Variants in SLC41A2 observed in about 807,000 individuals in gnomAD.
The protein encoded by SLC41A2 is SLC41A1-like 1.
A neutral mutation model predicts 58.3 loss-of-function variants in SLC41A2; 32 were observed. That is an observed-to-expected ratio of 0.55 (90% CI 0.41 to 0.74). The LOEUF (loss-of-function observed/expected upper bound fraction) is 0.74, where lower values mean the gene tolerates loss of function less well. SLC41A2 is among the 30% of genes least tolerant of loss of function. The pLI, the probability that SLC41A2 is intolerant of heterozygous loss-of-function variation, is 0.00. For synonymous variants in SLC41A2, 190 were observed against 235.0 expected (o/e 0.81, Z 1.75); for missense variants, 514 against 680.6 (o/e 0.76, Z 2.72).
chr12:104,809,383 A>T (rs1367469544), intron 10 of SLC41A2, among the ~76,000 whole-genome samples: 1 of 145,288 alleles, frequency 6.9e-6, no homozygotes, highest in African/African-American at 2.5e-5. Flanking sequence ...TAACACCTTT[A>T]CCAGGAAGGA....
rs545539253 is a variant in SLC41A2 at position 104,868,586 on chromosome 12, C to T, written c.1028-2007G>A. Reference sequence around the variant, plus strand: ...TTAACTTGACCCAGCAATTCTACTCCTTCATGTACACCCAACAGAATGGAA... The same window carrying T: ...TTAACTTGACCCAGCAATTCTACTCTTTCATGTACACCCAACAGAATGGAA... On this transcript the variant is annotated intron_variant, in intron 6 of 10. Transcript: ENST00000258538. Among the ~76,000 whole-genome samples, 3 of 152,250 alleles carry T rather than the reference C, an allele frequency of 2.0e-5. No individual in the cohort carries two copies. In the South Asian group the frequency reaches 6.2e-4, roughly 32 times the overall value.
In SLC41A2 at chr12:104,804,401, A is replaced by G. The variant is rs2040821150; in HGVS notation, c.*751T>C. 6.6e-6 allele frequency: 1 copy of G among 151,954 alleles called. No homozygotes were observed. Among genetic ancestry groups the G allele is most frequent in the South Asian group, 2.1e-4 (1 of 4,830 alleles). 9.4% of individuals were successfully genotyped at this position (151,954 alleles called of 1,614,324 possible). A position where few individuals can be genotyped will look rare whatever the true frequency, so the allele number is the denominator to read the frequency against. ...CGTCTTGTCTCTACAAATGCATCTC[A>G]GGTTATATTCTGTTTTTGAAGATTA... On this transcript the variant is annotated 3_prime_UTR_variant, in exon 11 of 11. Transcript: ENST00000258538.
chr12:104,886,328 AAT>A lies in SLC41A2; in HGVS notation c.990_991del (p.Leu331GlyfsTer12). ...GTATAAGCCCTGACTTATCCAAGCC[AAT>A]ATGGCAAGAGTTATAAGGTCGCCAA... On this transcript the variant is annotated frameshift_variant, in exon 6 of 11. Transcript: ENST00000258538. LOFTEE classifies it high-confidence loss of function. The A allele has an allele frequency of 6.2e-7, 1 of 1,613,694 alleles. No individual in the cohort carries two copies. Among genetic ancestry groups the A allele is most frequent in the Non-Finnish European group, 8.5e-7 (1 of 1,179,676 alleles).
chr12:104,921,299 C>G lies in SLC41A2; in HGVS notation c.555+6674G>C, dbSNP rs1412828673. The stretch of plus-strand genomic sequence containing the variant: ...ACAATAAGGTCAGAGAACACCAGAT[C>G]TGACCCAAATAAGACTACCCCAAGG... On this transcript the variant is annotated intron_variant, in intron 2 of 10. Coordinates refer to ENST00000258538, the MANE Select transcript of SLC41A2 (RefSeq NM_001352171.3). Among the ~76,000 whole-genome samples, 3 of 152,066 alleles carry G rather than the reference C, an allele frequency of 2.0e-5. No homozygotes were observed. The East Asian group carries it at 5.8e-4, about 29-fold the overall frequency.
At chr12:104,862,182 T>C (rs1022465678) in intron 7 of SLC41A2, among the ~76,000 whole-genome samples, 3 of 152,196 alleles carry the variant, frequency 2.0e-5, no homozygotes, top group African/African-American at 7.2e-5. Context: ...CAGAATGGGA[T>C]TGTCAAAATA....
At chr12:104,860,949 AAGAAACAACAAAACAATATAC>A (rs2043192067) in intron 8 of SLC41A2, among the ~76,000 whole-genome samples, 1 of 152,210 alleles carries the variant, frequency 6.6e-6, no homozygotes, top group Admixed American at 6.6e-5. Context: ...AAATTGACAA[AAGAAACAACAAAACAATATAC>A]AATAGCTGAT....
At chr12:104,848,466 A>T (rs1038156798) in intron 8 of SLC41A2, among the ~76,000 whole-genome samples, 1 of 152,114 alleles carries the variant, frequency 6.6e-6, no homozygotes, top group African/African-American at 2.4e-5. Context: ...AAGAACAGAA[A>T]TCAATGAAAT....
intron 8 of SLC41A2, among the ~76,000 whole-genome samples, chr12:104,857,066 T>C (rs955431370): frequency 6.6e-6 from 1 of 152,030 alleles, no homozygotes; most frequent in Admixed American, 6.6e-5. Context: ...AAGTAAAACG[T>C]ATTTCAAAAA....
At chr12:104,918,415 C>A (rs1255539217) in intron 2 of SLC41A2, among the ~76,000 whole-genome samples, 1 of 152,014 alleles carries the variant, frequency 6.6e-6, no homozygotes, top group African/African-American at 2.4e-5. Flanking sequence ...GGTAACTCGG[C>A]AGATTAATTA....
chr12:104,893,185 C>G (rs1376213566), intron 4 of SLC41A2, among the ~76,000 whole-genome samples: 1 of 152,002 alleles, frequency 6.6e-6, no homozygotes, highest in Non-Finnish European at 1.5e-5. Context: ...GATTTTAAAA[C>G]AGGCAAAAGA....
At chr12:104,876,530 A>G (rs990508476) in intron 6 of SLC41A2, among the ~76,000 whole-genome samples, 1 of 151,808 alleles carries the variant, frequency 6.6e-6, no homozygotes, top group Admixed American at 6.6e-5. Context: ...GTTGTTCAGG[A>G]GCATGATGTT....
At chr12:104,950,790 G>T (rs995503043) in intron 1 of SLC41A2, among the ~76,000 whole-genome samples, 6 of 152,046 alleles carry the variant, frequency 3.9e-5, no homozygotes, top group Admixed American at 2.0e-4. Flanking sequence ...CCACCCACTG[G>T]GTCCCCATAT....
intron 1 of SLC41A2, among the ~76,000 whole-genome samples, chr12:104,953,943 G>GT (rs1359116876): frequency 6.6e-6 from 1 of 152,024 alleles, no homozygotes; most frequent in East Asian, 1.9e-4. Context: ...GAAGGAAAAG[G>GT]TTTCCACTTT....
At chr12:104,854,977 C>T (rs1358505305) in intron 8 of SLC41A2, among the ~76,000 whole-genome samples, 1 of 152,138 alleles carries the variant, frequency 6.6e-6, no homozygotes, top group Non-Finnish European at 1.5e-5. Flanking sequence ...GTGTGGCCCA[C>T]CGTTTCATGG....
At chr12:104,885,669 C>T (rs2044622002) in intron 6 of SLC41A2, among the ~76,000 whole-genome samples, 1 of 152,104 alleles carries the variant, frequency 6.6e-6, no homozygotes, top group Non-Finnish European at 1.5e-5. Context: ...ATTTCCAGAA[C>T]ACAAATTTGC....
rs1457557968 is a variant in SLC41A2 at position 104,950,119 on chromosome 12, GT to G, written c.-168+7968del. Among the ~76,000 whole-genome samples the G allele has an allele frequency of 2.0e-5, 3 of 152,174 alleles. No homozygotes were observed. In the East Asian group the frequency reaches 5.8e-4, roughly 29 times the overall value. ...GGACTTTGTTTTCTAAATGAGGACA[GT>G]TCTAAATGAGGAAGAATAAATAACT... On this transcript the variant is annotated intron_variant, in intron 1 of 10. Coordinates refer to ENST00000258538, the MANE Select transcript of SLC41A2 (RefSeq NM_001352171.3).
intron 10 of SLC41A2, among the ~76,000 whole-genome samples, chr12:104,831,773 C>A (rs1426565695): frequency 1.4e-4 from 21 of 152,062 alleles, no homozygotes. Flanking sequence ...TTATTTATAT[C>A]TAACATAGAA....
intron 2 of SLC41A2, among the ~76,000 whole-genome samples, chr12:104,917,696 A>G (rs1331062352): frequency 2.0e-5 from 3 of 151,422 alleles, no homozygotes; most frequent in Non-Finnish European, 4.4e-5. Context: ...GAAACTGGAA[A>G]TCATTCTTAG....
intron 10 of SLC41A2, among the ~76,000 whole-genome samples, chr12:104,815,783 TCTA>T (rs1414905605): frequency 2.0e-5 from 3 of 151,938 alleles, no homozygotes; most frequent in African/African-American, 7.3e-5. Flanking sequence ...CTAATATAAA[TCTA>T]ATAAATATTT....
Sources: gnomAD v4.1 joint callset for allele counts (sites outside exome capture counted in the v4.1 genomes callset) on GRCh38, gnomAD v4.1.1 for gene constraint, MANE v1.5 for transcripts, NCBI Gene and HGNC (gene_info 2026-07-23, HGNC 2026-07-21) for gene names.